The following SLC24A2 variants were observed in gnomAD, a reference collection of about 807,000 sequenced individuals.
The protein encoded by SLC24A2 is solute carrier family 24 member 2, also known as sodium/potassium/calcium exchanger 2.
A neutral mutation model predicts 62.0 loss-of-function variants in SLC24A2; 36 were observed. That is an observed-to-expected ratio of 0.58 (90% confidence interval 0.44 to 0.77). The LOEUF is 0.77. SLC24A2 is among the 30% of genes least tolerant of loss of function. The pLI, the probability that SLC24A2 is intolerant of heterozygous loss-of-function variation, is 0.00. For missense variants in SLC24A2, 846 were observed against 817.9 expected (o/e 1.03, Z -0.42); for synonymous variants, 358 against 294.0 (o/e 1.22, Z -2.23).
At chr9:19,626,966 C>A (rs1442206840) in intron 2 of SLC24A2, among the ~76,000 whole-genome samples, 1 of 152,192 alleles carries the variant, frequency 6.6e-6, no homozygotes, top group East Asian at 1.9e-4. Flanking sequence ...CTCTTTCTCC[C>A]TCCTTTTACT....
At chr9:19,851,337 G>A in the SLC24A2 span, among the ~76,000 whole-genome samples, 1 of 151,602 alleles carries the variant, frequency 6.6e-6, no homozygotes, top group Non-Finnish European at 1.5e-5. Flanking sequence ...GCATATATAT[G>A]TATTTTAAAT....
the SLC24A2 span, among the ~76,000 whole-genome samples, chr9:20,132,633 C>T: frequency 1.3e-5 from 2 of 152,032 alleles, no homozygotes; most frequent in African/African-American, 2.4e-5. Context: ...GTCTCAGGAC[C>T]CTGGACTACC....
At chr9:20,170,661 T>A in the SLC24A2 span, among the ~76,000 whole-genome samples, 1 of 151,712 alleles carries the variant, frequency 6.6e-6, no homozygotes, top group Non-Finnish European at 1.5e-5. Flanking sequence ...GAAAGTTGAG[T>A]TTGAGAACAA....
the SLC24A2 span, among the ~76,000 whole-genome samples, chr9:20,022,865 A>G: frequency 1.3e-5 from 2 of 152,226 alleles, no homozygotes; most frequent in Non-Finnish European, 2.9e-5. Flanking sequence ...ATGTATTGGA[A>G]TATCTGCTAT....
At chr9:20,085,311 T>C in the SLC24A2 span, among the ~76,000 whole-genome samples, 841 of 152,334 alleles carry the variant, frequency 5.5e-3, 6 homozygotes, top group African/African-American at 0.019. Flanking sequence ...AAGGTCTGTT[T>C]TGAATTATTT....
At chr9:20,280,179 T>A in the SLC24A2 span, among the ~76,000 whole-genome samples, 4 of 152,176 alleles carry the variant, frequency 2.6e-5, no homozygotes, top group Non-Finnish European at 5.9e-5. Context: ...AAAAGCTGAA[T>A]GGGGCTCCGA....
At chr9:20,225,455 A>G in the SLC24A2 span, among the ~76,000 whole-genome samples, 13 of 147,140 alleles carry the variant, frequency 8.8e-5, no homozygotes, top group Non-Finnish European at 7.4e-5. Flanking sequence ...TATCTAAAAT[A>G]TTGTCTTTAT....
At chr9:19,876,402 G>GTGTGTA in the SLC24A2 span, among the ~76,000 whole-genome samples, 1 of 146,258 alleles carries the variant, frequency 6.8e-6, no homozygotes, top group Non-Finnish European at 1.5e-5. Flanking sequence ...GTGTGTGTGT[G>GTGTGTA]TACATGTGTG....
chr9:19,905,212 G>A, the SLC24A2 span, among the ~76,000 whole-genome samples: 1 of 151,958 alleles, frequency 6.6e-6, no homozygotes, highest in Non-Finnish European at 1.5e-5. Context: ...AAAAAGAGTG[G>A]GGTCTCACTC....
At chr9:20,287,849 A>AG in the SLC24A2 span, among the ~76,000 whole-genome samples, 1 of 152,210 alleles carries the variant, frequency 6.6e-6, no homozygotes, top group African/African-American at 2.4e-5. Context: ...CCCTTAGTCC[A>AG]GGTCAAACTC....
At chr9:19,812,260 A>G in the SLC24A2 span, among the ~76,000 whole-genome samples, 19 of 152,044 alleles carry the variant, frequency 1.2e-4, no homozygotes, top group South Asian at 2.5e-3. Context: ...AATTTCTTCA[A>G]TTTTCCCCCA....
the SLC24A2 span, among the ~76,000 whole-genome samples, chr9:20,248,008 C>T: frequency 6.6e-6 from 1 of 152,218 alleles, no homozygotes; most frequent in African/African-American, 2.4e-5. Context: ...ATCCACCTGT[C>T]TGTCCACACA....
At chr9:20,131,573 A>G in the SLC24A2 span, among the ~76,000 whole-genome samples, 1 of 152,182 alleles carries the variant, frequency 6.6e-6, no homozygotes, top group Admixed American at 6.5e-5. Flanking sequence ...AGTAAGATTC[A>G]GGAGCTTTCC....
At chr9:20,286,913 T>G in the SLC24A2 span, among the ~76,000 whole-genome samples, 1 of 152,126 alleles carries the variant, frequency 6.6e-6, no homozygotes, top group Non-Finnish European at 1.5e-5. Flanking sequence ...TCCTTAACAA[T>G]TGCACTAGAA....
chr9:20,054,189 A>C, the SLC24A2 span, among the ~76,000 whole-genome samples: 12 of 149,040 alleles, frequency 8.1e-5, no homozygotes, highest in East Asian at 9.8e-4. Context: ...CTTTTCTTTT[A>C]TTTTTTATGC....
At chr9:19,926,364 C>T in the SLC24A2 span, 1 of 152,240 alleles carries the variant, frequency 6.6e-6, no homozygotes, top group African/African-American at 2.4e-5. Flanking sequence ...AGCCCTGTCT[C>T]CTGTCCTTGG....
the SLC24A2 span, among the ~76,000 whole-genome samples, chr9:19,995,743 T>G: frequency 9.5e-3 from 1,452 of 152,332 alleles, 24 homozygotes; most frequent in African/African-American, 0.032. Flanking sequence ...ATCCAGTTGA[T>G]AAGTGAGGGA....
At chr9:20,180,570 G>T in the SLC24A2 span, among the ~76,000 whole-genome samples, 1 of 152,054 alleles carries the variant, frequency 6.6e-6, no homozygotes, top group Non-Finnish European at 1.5e-5. Flanking sequence ...CATGTCTCCA[G>T]TTCTTAATAA....
the SLC24A2 span, among the ~76,000 whole-genome samples, chr9:19,860,910 C>T: frequency 2.0e-5 from 3 of 152,142 alleles, no homozygotes; most frequent in African/African-American, 7.2e-5. Context: ...GGTTTGAGTG[C>T]CATCTCAGAA....
Sources: gnomAD v4.1 joint callset for allele counts (sites outside exome capture counted in the v4.1 genomes callset) on GRCh38, gnomAD v4.1.1 for gene constraint, MANE v1.5 for transcripts, NCBI Gene and HGNC (gene_info 2026-07-23, HGNC 2026-07-21) for gene names.